Variants in GPBP1L1 observed in about 807,000 individuals in gnomAD.
GPBP1L1 encodes GC-rich promoter binding protein 1 like 1, also known as vasculin-like protein 1.
GPBP1L1 carries 23 observed loss-of-function variants against 52.5 expected under a neutral mutation model. The observed-to-expected ratio is 0.44, with a 90% confidence interval of 0.32 to 0.62. GPBP1L1 has a LOEUF of 0.62. Among genes scored for constraint, GPBP1L1 ranks in the 20% least tolerant of loss-of-function variants. GPBP1L1 has a pLI of 0.06. For synonymous variants in GPBP1L1, 243 were observed against 203.1 expected, an observed-to-expected ratio of 1.20 and a Z score of -1.67; for missense variants, 596 against 579.3, an observed-to-expected ratio of 1.03 and a Z score of -0.30.
chr1:45,670,278 C>T (rs1645058789), intron 2 of GPBP1L1, among the ~76,000 whole-genome samples: 1 of 152,148 alleles, frequency 6.6e-6, no homozygotes, highest in South Asian at 2.1e-4. Flanking sequence ...TTATAGGATA[C>T]CTATTCTTTT....
At chr1:45,682,373 T>C (rs772391833) in intron 2 of GPBP1L1, among the ~76,000 whole-genome samples, 3 of 152,300 alleles carry the variant, frequency 2.0e-5, no homozygotes, top group South Asian at 4.1e-4. Context: ...TCCACACAAA[T>C]AGACCTACTG....
chr1:45,651,062 C>T lies in GPBP1L1; in HGVS notation c.477+3481G>A, dbSNP rs12070146. ...TTGGTGGCAAGTTCTTTAGCCTTTGCCTTTTTGAGCTTGGCAATGCGAGTC... is the reference window on the plus strand; with the variant it reads ...TTGGTGGCAAGTTCTTTAGCCTTTGTCTTTTTGAGCTTGGCAATGCGAGTC... On this transcript the variant is annotated intron_variant, in intron 6 of 12. Transcript: ENST00000355105. The T allele has an allele frequency of 5.0e-3, 2,496 of 497,666 alleles. 37 individuals carry two copies. Among genetic ancestry groups the T allele is most frequent in the African/African-American group, 0.036 (1,867 of 51,652 alleles). The allele number at this position is 497,666 out of a possible 1,614,324, so 30.8% of individuals were successfully genotyped here. A position where few individuals can be genotyped will look rare whatever the true frequency, so the allele number is the denominator to read the frequency against.
intron 3 of GPBP1L1, 116 bp from the exon 4 acceptor site, chr1:45,659,258 G>A (rs1644919257): frequency 1.6e-6 from 1 of 624,084 alleles, no homozygotes; most frequent in East Asian, 2.9e-5. Context: ...CTCTGAGCCT[G>A]TCTACAGATT....
At chr1:45,680,323 C>T (rs1435584919) in intron 2 of GPBP1L1, among the ~76,000 whole-genome samples, 2 of 150,840 alleles carry the variant, frequency 1.3e-5, no homozygotes, top group African/African-American at 4.9e-5. Flanking sequence ...ACTGCAACCA[C>T]CACCTCCCAG....
chr1:45,680,666 GCT>G (rs1356685201), intron 2 of GPBP1L1, among the ~76,000 whole-genome samples: 16 of 151,984 alleles, frequency 1.1e-4, no homozygotes, highest in Non-Finnish European at 4.4e-5. Flanking sequence ...GACCTAGATG[GCT>G]CTGTCACACA....
intron 2 of GPBP1L1, among the ~76,000 whole-genome samples, chr1:45,684,271 A>AAG (rs1553185628): frequency 6.6e-6 from 1 of 151,120 alleles, no homozygotes; most frequent in Non-Finnish European, 1.5e-5. Context: ...AAAAAAAAAA[A>AAG]AAAAAAGAAA....
chr1:45,629,227 T>G (rs1159496440), intron 12 of GPBP1L1, among the ~76,000 whole-genome samples: 4 of 152,190 alleles, frequency 2.6e-5, no homozygotes, highest in Non-Finnish European at 5.9e-5. Context: ...ACAGTGCAGA[T>G]CAGGAAGCAG....
chr1:45,639,073 C>A (rs1569773957), intron 8 of GPBP1L1, among the ~76,000 whole-genome samples: 1 of 151,396 alleles, frequency 6.6e-6, no homozygotes, highest in Non-Finnish European at 1.5e-5. Context: ...CAATGTGTAA[C>A]AAAAATCATA....
chr1:45,685,029 T>A (rs1448572547), intron 2 of GPBP1L1, among the ~76,000 whole-genome samples: 1 of 151,968 alleles, frequency 6.6e-6, no homozygotes, highest in African/African-American at 2.4e-5. Flanking sequence ...TGGTTTCCAA[T>A]CTATGACTTT....
intron 6 of GPBP1L1, among the ~76,000 whole-genome samples, chr1:45,648,722 AACTTT>A (rs1644784026): frequency 6.6e-6 from 1 of 152,174 alleles, no homozygotes; most frequent in African/African-American, 2.4e-5. Flanking sequence ...TCTTATTTTT[AACTTT>A]ACTTTAAAAT....
At chr1:45,630,844 A>G (rs1644521233) in intron 10 of GPBP1L1, 1 of 483,700 alleles carries the variant, frequency 2.1e-6, no homozygotes, top group Admixed American at 3.5e-5. Flanking sequence ...GAATAAAACC[A>G]GAGTACTGAT....
At chr1:45,679,883 T>C (rs1187474572) in intron 2 of GPBP1L1, among the ~76,000 whole-genome samples, 2 of 116,216 alleles carry the variant, frequency 1.7e-5, no homozygotes, top group African/African-American at 6.7e-5. Context: ...GAGAGACTCT[T>C]ATCTATACAA....
At chr1:45,655,935 A>T (rs1644879758) in intron 4 of GPBP1L1, 1 of 152,306 alleles carries the variant, frequency 6.6e-6, no homozygotes, top group African/African-American at 2.4e-5. Context: ...AAGACTGGCT[A>T]ATTTTCTAAA....
chr1:45,685,753 A>C (rs1453268119), intron 1 of GPBP1L1, 133 bp from the exon 2 acceptor site: 3 of 152,222 alleles, frequency 2.0e-5, no homozygotes, highest in African/African-American at 7.2e-5. Context: ...TTTTGGATTC[A>C]GACTGTCTTT....
At chr1:45,647,166 A>ATTTT (rs778113669) in intron 6 of GPBP1L1, among the ~76,000 whole-genome samples, 30,247 of 112,144 alleles carry the variant, frequency 0.27, 4,182 homozygotes, top group South Asian at 0.35. Context: ...ACTTCTTAGG[A>ATTTT]TTTTTTTTTT....
intron 6 of GPBP1L1, among the ~76,000 whole-genome samples, chr1:45,645,567 T>C (rs934588209): frequency 6.6e-6 from 1 of 152,224 alleles, no homozygotes; most frequent in African/African-American, 2.4e-5. Context: ...TTAAAAAAGT[T>C]ATACTATGTC....
intron 6 of GPBP1L1, chr1:45,646,092 T>C (rs1487148556): frequency 8.8e-6 from 4 of 456,380 alleles, no homozygotes; most frequent in South Asian, 1.7e-5. Context: ...AGCTAGAAGT[T>C]GGACAATGAC....
chr1:45,659,660 T>G (rs1349710034), intron 3 of GPBP1L1, among the ~76,000 whole-genome samples: 3 of 152,198 alleles, frequency 2.0e-5, no homozygotes, highest in African/African-American at 7.2e-5. Flanking sequence ...AAAGATCTTC[T>G]TGGCTGGGCA....
chr1:45,628,470 A>T (rs1644486586), intron 12 of GPBP1L1, 62 bp from the exon 13 acceptor site: 25 of 1,516,464 alleles, frequency 1.6e-5, no homozygotes, highest in Non-Finnish European at 2.2e-5. Flanking sequence ...ACTGACCCAT[A>T]AGCCCTGGGA....
Sources: gnomAD v4.1 joint callset for allele counts (sites outside exome capture counted in the v4.1 genomes callset) on GRCh38, gnomAD v4.1.1 for gene constraint, MANE v1.5 for transcripts, NCBI Gene and HGNC (gene_info 2026-07-23, HGNC 2026-07-21) for gene names.